RDH10: variants seen among roughly 807,000 people sequenced by gnomAD.
RDH10 encodes the protein retinol dehydrogenase 10, also known as retinol dehydrogenase 10 (all-trans).
In RDH10, 12 loss-of-function variants were observed where a neutral mutation model predicts 30.2. The observed-to-expected ratio is 0.40, with a 90% CI of 0.25 to 0.64. The LOEUF (loss-of-function observed/expected upper bound fraction) is 0.64. Among genes scored for constraint, RDH10 ranks in the 30% least tolerant of loss-of-function variants. The pLI, the probability that RDH10 is intolerant of heterozygous loss-of-function variation, is 0.43. For missense variants in RDH10, 268 were observed against 445.2 expected (o/e 0.60, Z 3.58); for synonymous variants, 189 against 172.2 (o/e 1.10, Z -0.76).
rs981051510 is a variant in RDH10, at chr8:73,324,502, G to A, written c.*1466G>A. On this transcript the variant is annotated 3_prime_UTR_variant, in exon 6 of 6. Coordinates refer to ENST00000240285, the MANE Select transcript of RDH10 (RefSeq NM_172037.5). ...CCAATGTTTAAGGCTGTTAAAATAA[G>A]CCAACTTTTACTAATTGGGGAGTTT... 4.6e-5 allele frequency: 7 copies of A among 152,428 alleles called. No homozygotes were observed. Among genetic ancestry groups the A allele is most frequent in the Non-Finnish European group, 5.9e-5 (4 of 68,004 alleles). 9.4% of individuals were successfully genotyped at this position (152,428 alleles called of 1,614,324 possible).
intron 3 of RDH10, among the ~76,000 whole-genome samples, chr8:73,319,511 C>T (rs1313099918): frequency 6.6e-6 from 1 of 152,206 alleles, no homozygotes; most frequent in Non-Finnish European, 1.5e-5. Flanking sequence ...GGAGATAGAG[C>T]AAGACCCTGT....
In RDH10 at chr8:73,307,970, G is replaced by A. The variant is rs1050781389; in HGVS notation, c.525+10541G>A. ...ATTTTATTACGAAAGCCCAACTTGC[G>A]TGTTTCTGGGCCTTTTCTGTACTTT... is the stretch of plus-strand genomic sequence containing the variant. On this transcript the variant is annotated intron_variant, in intron 2 of 5. Coordinates refer to ENST00000240285, the MANE Select transcript of RDH10 (RefSeq NM_172037.5). 2.6e-5 allele frequency among the ~76,000 whole-genome samples: 4 copies of A among 152,216 alleles called. No homozygotes were observed. The South Asian group carries it at 6.2e-4, about 24-fold the overall frequency.
At position 73,294,712 on chromosome 8, in the gene RDH10, G is replaced by C. The variant is rs908307109; in HGVS notation, c.-578G>C. ...CGGGGAACGCGAGCCCTCGGGGGCA[G>C]CTGCAAGGCGTTGGGCAGCGCTTGC... On this transcript the variant is annotated 5_prime_UTR_variant, in exon 1 of 6. Coordinates refer to ENST00000240285, the MANE Select transcript of RDH10 (RefSeq NM_172037.5). 38 of 370,108 alleles carry C rather than the reference G, an allele frequency of 1.0e-4. No homozygotes were observed. Among genetic ancestry groups the C allele is most frequent in the African/African-American group, 7.8e-4 (37 of 47,342 alleles). 22.9% of individuals were successfully genotyped at this position (370,108 alleles called of 1,614,324 possible).
chr8:73,295,170 G>A lies in RDH10; in HGVS notation c.-120G>A, dbSNP rs1436746657. ...GGCGGGCACCTCGGGGGCGGGCGCG[G>A]GGCGCAGCCTTCTCGTCCCGGCCTC... is the stretch of plus-strand genomic sequence containing the variant. On this transcript the variant is annotated 5_prime_UTR_variant, in exon 1 of 6. Coordinates refer to ENST00000240285, the MANE Select transcript of RDH10 (RefSeq NM_172037.5). 9.9e-7 allele frequency: 1 copy of A among 1,009,854 alleles called. No homozygotes were observed. The highest frequency in any genetic ancestry group is 2.0e-5 in the South Asian group (1 of 50,904). 62.6% of individuals were successfully genotyped at this position (1,009,854 alleles called of 1,614,324 possible). A position where few individuals can be genotyped will look rare whatever the true frequency, so the allele number is the denominator to read the frequency against.
chr8:73,307,262 A>C (rs1814480241), intron 2 of RDH10, among the ~76,000 whole-genome samples: 1 of 152,176 alleles, frequency 6.6e-6, no homozygotes, highest in African/African-American at 2.4e-5. Context: ...GGGACTAGGC[A>C]GCTGAAGCAA....
chr8:73,322,561 CA>C (rs1250124443), intron 4 of RDH10, 117 bp from the exon 5 acceptor site: 80 of 879,070 alleles, frequency 9.1e-5, no homozygotes, highest in Non-Finnish European at 1.7e-5. Context: ...ATGAAGAAAA[CA>C]AAATGTACCC....
At chr8:73,318,762 G>C (rs1343730213) in intron 2 of RDH10, among the ~76,000 whole-genome samples, 1 of 152,170 alleles carries the variant, frequency 6.6e-6, no homozygotes, top group African/African-American at 2.4e-5. Flanking sequence ...ACAAATACCT[G>C]GCTTGGGAGT....
At chr8:73,319,410 A>G (rs559031649) in intron 3 of RDH10, among the ~76,000 whole-genome samples, 2 of 152,262 alleles carry the variant, frequency 1.3e-5, no homozygotes, top group African/African-American at 4.8e-5. Context: ...CTGTAGTCCT[A>G]GCTACTTGAG....
Position 73,295,136 on chromosome 8 carries a change from C to T in RDH10, c.-154C>T. ...CGCAGGCAGGGAGCGGCGCCGCGCA[C>T]TCCAACCCGGCGGGCACCTCGGGGG... On this transcript the variant is annotated 5_prime_UTR_variant, in exon 1 of 6. Transcript: ENST00000240285. 1.5e-6 allele frequency: 1 copy of T among 647,598 alleles called. No individual in the cohort carries two copies. Among genetic ancestry groups the T allele is most frequent in the Non-Finnish European group, 2.3e-6 (1 of 426,948 alleles). 40.1% of individuals were successfully genotyped at this position (647,598 alleles called of 1,614,324 possible).
intron 3 of RDH10, among the ~76,000 whole-genome samples, chr8:73,319,553 T>G (rs1249881009): frequency 6.6e-6 from 1 of 152,210 alleles, no homozygotes; most frequent in Non-Finnish European, 1.5e-5. Flanking sequence ...GGGAATGGAC[T>G]TCTGCCTCTT....
intron 2 of RDH10, among the ~76,000 whole-genome samples, chr8:73,309,445 A>G (rs1428001006): frequency 2.6e-5 from 4 of 152,202 alleles, no homozygotes; most frequent in Non-Finnish European, 5.9e-5. Context: ...GTCATCTTCT[A>G]TGACATTTCA....
At chr8:73,316,712 A>G (rs1814675523) in intron 2 of RDH10, among the ~76,000 whole-genome samples, 3 of 152,208 alleles carry the variant, frequency 2.0e-5, no homozygotes, top group Admixed American at 1.3e-4. Context: ...TACAGGAAGC[A>G]TAGAGGCTTC....
rs145355660 is a variant in RDH10 at position 73,309,971 on chromosome 8, A to G, written c.526-9125A>G. 4.0e-3 allele frequency among the ~76,000 whole-genome samples: 602 copies of G among 152,280 alleles called. 7 individuals carry two copies. Among genetic ancestry groups the G allele is most frequent in the African/African-American group, 0.014 (566 of 41,552 alleles). ...AGATTGAGAAACGCTGTTCTAGAGC[A>G]CTGGTTCCCAAACTCAGCTACAAAT... On this transcript the variant is annotated intron_variant, in intron 2 of 5. Transcript: ENST00000240285.
intron 2 of RDH10, chr8:73,315,399 C>A: frequency 4.0e-6 from 1 of 251,934 alleles, no homozygotes; most frequent in Non-Finnish European, 8.3e-6. Context: ...TTAGAATATG[C>A]AGCCATACTA....
chr8:73,303,645 T>C (rs745415691), intron 2 of RDH10, among the ~76,000 whole-genome samples: 2 of 152,186 alleles, frequency 1.3e-5, no homozygotes, highest in African/African-American at 4.8e-5. Flanking sequence ...TGACCTGGGG[T>C]CAATTTTATC....
At position 73,298,878 on chromosome 8, in the gene RDH10, G is replaced by T. The variant is rs143703106; in HGVS notation, c.525+1449G>T. Among the ~76,000 whole-genome samples the T allele has an allele frequency of 3.3e-5, 5 of 152,204 alleles. No homozygotes were observed. In the East Asian group the frequency reaches 5.8e-4, roughly 18 times the overall value. Reference sequence around the variant, plus strand: ...TGCCCAGGCTGGAGTACAATGGCGTGATCTCAGCTCACTGCAACCTCCACC... The same window carrying T: ...TGCCCAGGCTGGAGTACAATGGCGTTATCTCAGCTCACTGCAACCTCCACC... On this transcript the variant is annotated intron_variant, in intron 2 of 5. Coordinates refer to ENST00000240285, the MANE Select transcript of RDH10 (RefSeq NM_172037.5).
In RDH10 at chr8:73,324,079, TG is replaced by T. The variant is rs1814822080; in HGVS notation, c.*1044del. On this transcript the variant is annotated 3_prime_UTR_variant, in exon 6 of 6. Coordinates refer to ENST00000240285, the MANE Select transcript of RDH10 (RefSeq NM_172037.5). ...AAGTGCCCTTTCCTCAGGAAGTTGCTGTGTTTCATTTCTTTGGATGGACTCT... is the reference window on the plus strand; with the variant it reads ...AAGTGCCCTTTCCTCAGGAAGTTGCTTGTTTCATTTCTTTGGATGGACTCT... 6.5e-6 allele frequency: 1 copy of T among 152,680 alleles called. No individual in the cohort carries two copies. Among genetic ancestry groups the T allele is most frequent in the Non-Finnish European group, 1.5e-5 (1 of 68,052 alleles). The allele number at this position is 152,680 out of a possible 1,614,324, so 9.5% of individuals were successfully genotyped here.
At chr8:73,297,964 G>A (rs1814302614) in intron 2 of RDH10, 1 of 165,896 alleles carries the variant, frequency 6.0e-6, no homozygotes, top group Non-Finnish European at 1.3e-5. Flanking sequence ...GACTCTCTCG[G>A]GTTAGACAGT....
At chr8:73,295,675 C>G (rs959885737) in intron 1 of RDH10, 97 bp downstream of exon 1, 1 of 1,237,058 alleles carries the variant, frequency 8.1e-7, no homozygotes, top group South Asian at 1.6e-5. Context: ...TGGTCAGCCC[C>G]GCTGTGGAGG....
Sources: allele counts gnomAD v4.1 joint callset (sites outside exome capture counted in the v4.1 genomes callset), GRCh38; gene constraint gnomAD v4.1.1; transcripts MANE v1.5; gene names NCBI Gene and HGNC (gene_info 2026-07-23, HGNC 2026-07-21).